Variants in NOTCH2NLR observed in about 807,000 individuals in gnomAD.
NOTCH2NLR encodes notch 2 N-terminal like R.
A neutral mutation model predicts 35.6 loss-of-function variants in NOTCH2NLR; 33 were observed. The observed-to-expected ratio is 0.93, with a 90% confidence interval of 0.70 to 1.24. The LOEUF (loss-of-function observed/expected upper bound fraction) is 1.24, where lower values mean the gene tolerates loss of function less well. NOTCH2NLR is among the 50% of genes most tolerant of loss of function. The pLI, the probability that NOTCH2NLR is intolerant of heterozygous loss-of-function variation, is 0.00. For synonymous variants in NOTCH2NLR, 103 were observed against 141.0 expected, an observed-to-expected ratio of 0.73 and a Z score of 1.91; for missense variants, 276 against 362.2, an observed-to-expected ratio of 0.76 and a Z score of 1.93.
chr1:120,778,418 C>A (rs1436737221), intron 2 of NOTCH2NLR, among the ~76,000 whole-genome samples: 5 of 111,598 alleles, frequency 4.5e-5, no homozygotes, highest in Middle Eastern at 3.6e-3. Flanking sequence ...TAATGAGGAG[C>A]AGCTTCAGTG....
intron 1 of NOTCH2NLR, among the ~76,000 whole-genome samples, chr1:120,743,870 A>G (rs1163579942): frequency 1.7e-5 from 2 of 120,620 alleles, no homozygotes; most frequent in African/African-American, 7.4e-5. Flanking sequence ...GCTGAATATT[A>G]GAGTGGTTGT....
chr1:120,769,253 CT>C (rs1651232660), intron 2 of NOTCH2NLR, among the ~76,000 whole-genome samples: 3 of 151,680 alleles, frequency 2.0e-5, no homozygotes, highest in African/African-American at 7.3e-5. Flanking sequence ...CGCAATGGTT[CT>C]GTTGTGGTGC....
At position 120,728,110 on chromosome 1, in the gene NOTCH2NLR, C is replaced by T. The variant is rs1414793764; in HGVS notation, c.73+3860C>T. Among the ~76,000 whole-genome samples the T allele has an allele frequency of 1.4e-4, 16 of 116,350 alleles. 5 individuals are homozygous for T. The highest frequency in any genetic ancestry group is 7.1e-4 in the African/African-American group (14 of 19,796). 76.3% of individuals were successfully genotyped at this position (116,350 alleles called of 152,430 possible). On this transcript the variant is annotated intron_variant, in intron 1 of 4. Transcript: ENST00000624419. ...GTTGCTTCCATCTCGTGTACAAATGCGCTTATGTGCACAAAAACTCTTATA... is the reference window on the plus strand; with the variant it reads ...GTTGCTTCCATCTCGTGTACAAATGTGCTTATGTGCACAAAAACTCTTATA...
chr1:120,779,512 G>A (rs1377535261), intron 2 of NOTCH2NLR, among the ~76,000 whole-genome samples: 2 of 119,172 alleles, frequency 1.7e-5, no homozygotes, highest in African/African-American at 7.8e-5. Context: ...AGACATTGAA[G>A]AGACAGTTAT....
rs1214746218 is a variant in NOTCH2NLR at position 120,783,617 on chromosome 1, T to A, written c.156-1357T>A. On this transcript the variant is annotated intron_variant, in intron 2 of 4. Coordinates refer to ENST00000624419, the Ensembl canonical transcript of NOTCH2NLR. Reference sequence around the variant, plus strand: ...GATAGAGAGATGACTTCTAGAAAACTGAACATATGGGACTGGAACAGTGTA... The same window carrying A: ...GATAGAGAGATGACTTCTAGAAAACAGAACATATGGGACTGGAACAGTGTA... Among the ~76,000 whole-genome samples the A allele has an allele frequency of 8.0e-5, 8 of 100,130 alleles. 2 individuals are homozygous for A. Among genetic ancestry groups the A allele is most frequent in the African/African-American group, 4.0e-4 (6 of 15,102 alleles). The allele number at this position is 100,130 out of a possible 152,430, so 65.7% of individuals were successfully genotyped here.
At chr1:120,754,761 C>G (rs1179515773) in intron 1 of NOTCH2NLR, among the ~76,000 whole-genome samples, 1 of 116,116 alleles carries the variant, frequency 8.6e-6, no homozygotes, top group Admixed American at 8.2e-5. Context: ...TATCTTCCTT[C>G]AAACAAATGG....
At position 120,724,322 on chromosome 1, in the gene NOTCH2NLR, A is replaced by G. The variant is rs1327071679; in HGVS notation, c.73+72A>G. On this transcript the variant is annotated intron_variant, in intron 1 of 4. Coordinates refer to ENST00000624419, the Ensembl canonical transcript of NOTCH2NLR. Reference sequence around the variant, plus strand: ...ACCTGGGGCGACCCTTCTCCCCCTCAGTCCTTCTCTGTGTGGGAAGGCCAG... The same window carrying G: ...ACCTGGGGCGACCCTTCTCCCCCTCGGTCCTTCTCTGTGTGGGAAGGCCAG... The G allele has an allele frequency of 3.4e-3, 4,581 of 1,360,162 alleles. 904 individuals are homozygous for G. The East Asian group carries it at 0.089, about 26-fold the overall frequency. The allele number at this position is 1,360,162 out of a possible 1,614,324, so 84.3% of individuals were successfully genotyped here. A position where few individuals can be genotyped will look rare whatever the true frequency, so the allele number is the denominator to read the frequency against.
intron 1 of NOTCH2NLR, among the ~76,000 whole-genome samples, chr1:120,727,001 G>A (rs2101339023): frequency 1.8e-5 from 2 of 113,268 alleles, no homozygotes; most frequent in East Asian, 4.3e-4. Flanking sequence ...ATGGTTCAGA[G>A]CAGCCTTACA....
chr1:120,724,557 G>C lies in NOTCH2NLR; in HGVS notation c.73+307G>C, dbSNP rs1282407985. ...CTTTTTCGTAGTGCCAGGGTGCAGG[G>C]AGGTGGGCAGTTTTGCCCTTCAGGT... is the stretch of plus-strand genomic sequence containing the variant. On this transcript the variant is annotated intron_variant, in intron 1 of 4. Coordinates refer to ENST00000624419, the Ensembl canonical transcript of NOTCH2NLR. 4.4e-3 allele frequency among the ~76,000 whole-genome samples: 509 copies of C among 116,092 alleles called. 63 individuals carry two copies. Among genetic ancestry groups the C allele is most frequent in the Non-Finnish European group, 6.1e-3 (365 of 59,368 alleles). The allele number at this position is 116,092 out of a possible 152,430, so 76.2% of individuals were successfully genotyped here.
intron 2 of NOTCH2NLR, among the ~76,000 whole-genome samples, chr1:120,783,473 A>G (rs1183191684): frequency 5.2e-5 from 2 of 38,148 alleles, no homozygotes; most frequent in East Asian, 1.2e-3. Flanking sequence ...CAACTTAAAG[A>G]GATGAAGTTA....
rs1231262928 is a variant in NOTCH2NLR at position 120,745,288 on chromosome 1, G to A, written c.74-18340G>A. Among the ~76,000 whole-genome samples, 5 of 96,514 alleles carry A rather than the reference G, an allele frequency of 5.2e-5. 2 individuals are homozygous for A. Among genetic ancestry groups the A allele is most frequent in the African/African-American group, 2.7e-4 (4 of 14,764 alleles). 63.3% of individuals were successfully genotyped at this position (96,514 alleles called of 152,430 possible). Reference sequence around the variant, plus strand: ...GTAGGTCTCCAACAGCACTTTGGGGGAAAAAAGGGTAGAATAGAGAGTATC... The same window carrying A: ...GTAGGTCTCCAACAGCACTTTGGGGAAAAAAAGGGTAGAATAGAGAGTATC... On this transcript the variant is annotated intron_variant, in intron 1 of 4. Coordinates refer to ENST00000624419, the Ensembl canonical transcript of NOTCH2NLR.
In NOTCH2NLR at chr1:120,754,783, C is replaced by A. The variant is rs1241113636; in HGVS notation, c.74-8845C>A. ...CTTCAAACAAATGGTAAGAAAGGAA[C>A]TTTCAAAACTGTTTCAGTTTTGCAA... On this transcript the variant is annotated intron_variant, in intron 1 of 4. Transcript: ENST00000624419. Among the ~76,000 whole-genome samples, 24 of 115,570 alleles carry A rather than the reference C, an allele frequency of 2.1e-4. 5 individuals are homozygous for A. The highest frequency in any genetic ancestry group is 3.5e-4 in the Non-Finnish European group (21 of 60,456). 75.8% of individuals were successfully genotyped at this position (115,570 alleles called of 152,430 possible).
chr1:120,770,028 A>G lies in NOTCH2NLR; in HGVS notation c.155+6319A>G, dbSNP rs1292813518. Among the ~76,000 whole-genome samples the G allele has an allele frequency of 6.9e-3, 779 of 113,692 alleles. 3 individuals are homozygous for G. The highest frequency in any genetic ancestry group is 0.027 in the African/African-American group (742 of 27,048). 74.6% of individuals were successfully genotyped at this position (113,692 alleles called of 152,430 possible). A position where few individuals can be genotyped will look rare whatever the true frequency, so the allele number is the denominator to read the frequency against. ...AAAATTAATGCAAAATAAGTTGAAAATTATCAAAATTTTAAATAAGGAGAT... is the reference window on the plus strand; with the variant it reads ...AAAATTAATGCAAAATAAGTTGAAAGTTATCAAAATTTTAAATAAGGAGAT... On this transcript the variant is annotated intron_variant, in intron 2 of 4. Transcript: ENST00000624419.
intron 2 of NOTCH2NLR, among the ~76,000 whole-genome samples, chr1:120,781,948 A>T (rs1256506309): frequency 9.4e-6 from 1 of 106,882 alleles, no homozygotes; most frequent in Non-Finnish European, 1.7e-5. Context: ...AATACAAGAG[A>T]CAATAGCTAT....
rs1421474587 is a variant in NOTCH2NLR at position 120,724,343 on chromosome 1, G to A, written c.73+93G>A. 4 of 1,354,440 alleles carry A rather than the reference G, an allele frequency of 3.0e-6. No homozygotes were observed. The East Asian group carries it at 7.8e-5, about 26-fold the overall frequency. The allele number at this position is 1,354,440 out of a possible 1,614,324, so 83.9% of individuals were successfully genotyped here. On this transcript the variant is annotated intron_variant, in intron 1 of 4. Coordinates refer to ENST00000624419, the Ensembl canonical transcript of NOTCH2NLR. Reference sequence around the variant, plus strand: ...CCTCAGTCCTTCTCTGTGTGGGAAGGCCAGGCTCGGCCGCCGGCGCGGAGT... The same window carrying A: ...CCTCAGTCCTTCTCTGTGTGGGAAGACCAGGCTCGGCCGCCGGCGCGGAGT...
chr1:120,754,045 C>CA (rs1246058665), intron 1 of NOTCH2NLR, among the ~76,000 whole-genome samples: 4 of 80,318 alleles, frequency 5.0e-5, no homozygotes, highest in Non-Finnish European at 6.5e-5. Flanking sequence ...ACTAAAAATA[C>CA]AAAAAAAATT....
rs1375895735 is a variant in NOTCH2NLR at position 120,791,428 on chromosome 1, A to C, written c.416-1733A>C. Among the ~76,000 whole-genome samples, 38 of 107,464 alleles carry C rather than the reference A, an allele frequency of 3.5e-4. 7 individuals carry two copies. The highest frequency in any genetic ancestry group is 5.9e-4 in the Non-Finnish European group (34 of 58,002). The allele number at this position is 107,464 out of a possible 152,430, so 70.5% of individuals were successfully genotyped here. ...TCCATCAATGATAGACTGGATTAAG[A>C]AAATGTGGCACATATACACCATGGA... On this transcript the variant is annotated intron_variant, in intron 3 of 4. Transcript: ENST00000624419.
rs1651465098 is a variant in NOTCH2NLR at position 120,789,961 on chromosome 1, G to T, written c.416-3200G>T. On this transcript the variant is annotated intron_variant, in intron 3 of 4. Transcript: ENST00000624419. Reference sequence around the variant, plus strand: ...GGTCCCAAATTAAAACTTCTTCCTTGTTGTTAAGAAGGATCTCTTCTTGGT... The same window carrying T: ...GGTCCCAAATTAAAACTTCTTCCTTTTTGTTAAGAAGGATCTCTTCTTGGT... Among the ~76,000 whole-genome samples the T allele has an allele frequency of 2.5e-5, 2 of 81,206 alleles. 1 individual carries two copies. Among genetic ancestry groups the T allele is most frequent in the African/African-American group, 1.9e-4 (2 of 10,458 alleles). The allele number at this position is 81,206 out of a possible 152,430, so 53.3% of individuals were successfully genotyped here.
In NOTCH2NLR at chr1:120,784,941, G is replaced by A. The variant is rs1420490375; in HGVS notation, c.156-33G>A. The A allele has an allele frequency of 3.2e-6, 4 of 1,266,180 alleles. 1 individual carries two copies. The highest frequency in any genetic ancestry group is 2.2e-6 in the Non-Finnish European group (2 of 925,920). The allele number at this position is 1,266,180 out of a possible 1,614,324, so 78.4% of individuals were successfully genotyped here. A position where few individuals can be genotyped will look rare whatever the true frequency, so the allele number is the denominator to read the frequency against. The stretch of plus-strand genomic sequence containing the variant: ...ATTTTTTGGACTTACAAGAAGTCAG[G>A]TGTTTTCATGGACTCTTCTCTTTTC... On this transcript the variant is annotated intron_variant, in intron 2 of 4. Transcript: ENST00000624419.
Sources: gnomAD v4.1 joint callset for allele counts (sites outside exome capture counted in the v4.1 genomes callset) on GRCh38, gnomAD v4.1.1 for gene constraint, MANE v1.5 for transcripts, NCBI Gene and HGNC (gene_info 2026-07-23, HGNC 2026-07-21) for gene names.